The following KCND3 variants were observed in gnomAD, a reference collection of about 807,000 sequenced individuals.
KCND3 encodes the protein potassium voltage-gated channel subfamily D member 3.
Under a neutral mutation model 51.1 loss-of-function variants are expected in KCND3, and 9 were observed. That is an observed-to-expected ratio of 0.18 (90% CI 0.11 to 0.31). KCND3 has a LOEUF of 0.31. KCND3 is among the 10% of genes least tolerant of loss of function. The probability of loss-of-function intolerance (pLI) is 1.00; values close to 1 mark genes in which losing one functional copy is unlikely to be tolerated. For missense variants in KCND3, 526 were observed against 903.8 expected, an observed-to-expected ratio of 0.58 and a Z score of 5.36; for synonymous variants, 349 against 368.0, an observed-to-expected ratio of 0.95 and a Z score of 0.59.
chr1:111,837,945 TG>T (rs1557968972), intron 2 of KCND3, among the ~76,000 whole-genome samples: 1 of 152,124 alleles, frequency 6.6e-6, no homozygotes, highest in Admixed American at 6.5e-5. Flanking sequence ...CTGGGTGTTT[TG>T]GGGGGAGACC....
chr1:111,951,325 A>G (rs1673054224), intron 2 of KCND3, among the ~76,000 whole-genome samples: 1 of 152,176 alleles, frequency 6.6e-6, no homozygotes, highest in Non-Finnish European at 1.5e-5. Flanking sequence ...TCCATGGTCC[A>G]TACACTTTCT....
rs1186351770 is a variant in KCND3 at position 111,773,175 on chromosome 1, G to A, written c.*2902C>T. The A allele has an allele frequency of 1.3e-5, 2 of 152,150 alleles. No homozygotes were observed. The highest frequency in any genetic ancestry group is 4.8e-5 in the African/African-American group (2 of 41,416). 9.4% of individuals were successfully genotyped at this position (152,150 alleles called of 1,614,324 possible). The stretch of plus-strand genomic sequence containing the variant: ...ATGACGTGGGCTCTGAACGTGAAGT[G>A]GAAGGAACACAAAACATTCTGTTGA... On this transcript the variant is annotated 3_prime_UTR_variant, in exon 8 of 8. Coordinates refer to ENST00000302127, the MANE Select transcript of KCND3 (RefSeq NM_001378969.1).
intron 2 of KCND3, among the ~76,000 whole-genome samples, chr1:111,894,297 C>G (rs999921462): frequency 2.6e-5 from 4 of 152,176 alleles, no homozygotes; most frequent in East Asian, 1.9e-4. Flanking sequence ...TTCCTCTCCC[C>G]CTAGAATGCT....
chr1:111,843,551 C>T (rs1463546407), intron 2 of KCND3, among the ~76,000 whole-genome samples: 1 of 152,112 alleles, frequency 6.6e-6, no homozygotes, highest in African/African-American at 2.4e-5. Flanking sequence ...GGGGTGTCCA[C>T]TCTTGCCTGG....
intron 2 of KCND3, among the ~76,000 whole-genome samples, chr1:111,897,247 C>A (rs539244520): frequency 6.6e-4 from 100 of 152,330 alleles, no homozygotes; most frequent in African/African-American, 2.4e-3. Context: ...AGTCCCAGGG[C>A]GGCCTGCCTC....
At chr1:111,972,550 T>C (rs61065000) in intron 2 of KCND3, among the ~76,000 whole-genome samples, 189 of 152,356 alleles carry the variant, frequency 1.2e-3, no homozygotes, top group African/African-American at 3.8e-3. Context: ...TGCAATTTAT[T>C]AGGATTTCCC....
chr1:111,840,609 A>ATC (rs34407874), intron 2 of KCND3, among the ~76,000 whole-genome samples: 2,247 of 151,936 alleles, frequency 0.015, 35 homozygotes, highest in African/African-American at 0.037. Flanking sequence ...TTTTTGATGT[A>ATC]TCTTTTCTTA....
chr1:111,915,568 T>C (rs888456896), intron 2 of KCND3, among the ~76,000 whole-genome samples: 4 of 151,878 alleles, frequency 2.6e-5, no homozygotes, highest in Non-Finnish European at 4.4e-5. Flanking sequence ...CTGGCTAACA[T>C]GGTGAAACCC....
chr1:111,828,735 C>T (rs896856208), intron 2 of KCND3, among the ~76,000 whole-genome samples: 4 of 152,178 alleles, frequency 2.6e-5, no homozygotes, highest in Admixed American at 6.5e-5. Flanking sequence ...TCCTTTTACT[C>T]GGATCCACTG....
At chr1:111,808,883 T>C (rs1363202209) in intron 2 of KCND3, among the ~76,000 whole-genome samples, 1 of 152,206 alleles carries the variant, frequency 6.6e-6, no homozygotes, top group East Asian at 1.9e-4. Context: ...AGGCCTCTTG[T>C]ATGTTGACTT....
intron 2 of KCND3, among the ~76,000 whole-genome samples, chr1:111,908,733 C>T (rs1670769197): frequency 6.6e-6 from 1 of 151,966 alleles, no homozygotes; most frequent in Admixed American, 6.6e-5. Context: ...CTTTTTTTGT[C>T]TCAAAAATGA....
chr1:111,857,354 C>T (rs979476493), intron 2 of KCND3, among the ~76,000 whole-genome samples: 2 of 152,072 alleles, frequency 1.3e-5, no homozygotes, highest in African/African-American at 2.4e-5. Context: ...GCAGAGGGCA[C>T]GGGGCTGGTT....
chr1:111,940,960 G>A (rs1672487261), intron 2 of KCND3, among the ~76,000 whole-genome samples: 1 of 152,164 alleles, frequency 6.6e-6, no homozygotes. Context: ...ATGAGAGCAG[G>A]GACTGTGTTT....
At chr1:111,918,308 G>A (rs1028643028) in intron 2 of KCND3, among the ~76,000 whole-genome samples, 1 of 152,230 alleles carries the variant, frequency 6.6e-6, no homozygotes, top group Non-Finnish European at 1.5e-5. Context: ...TTTTGGGTGA[G>A]TGTAGGAGCA....
At position 111,780,152 on chromosome 1, in the gene KCND3, A is replaced by G. The variant is rs1222737496; in HGVS notation, c.1461+73T>C. 2 of 1,391,184 alleles carry G rather than the reference A, an allele frequency of 1.4e-6. No homozygotes were observed. The highest frequency in any genetic ancestry group is 2.0e-6 in the Non-Finnish European group (2 of 1,002,310). 86.2% of individuals were successfully genotyped at this position (1,391,184 alleles called of 1,614,324 possible). ...AGACTTTGACTTCTGGCCCAGAGTG[A>G]AGATGTGAGTACAGCCTTAGAAAAG... is the stretch of plus-strand genomic sequence containing the variant. On this transcript the variant is annotated intron_variant, in intron 5 of 7. Transcript: ENST00000302127. The surrounding 1 kb of genome is among the most constrained non-coding windows in gnomAD (Gnocchi z 4.2).
chr1:111,974,029 A>G (rs1198436825), intron 2 of KCND3, among the ~76,000 whole-genome samples: 1 of 152,218 alleles, frequency 6.6e-6, no homozygotes, highest in Non-Finnish European at 1.5e-5. Flanking sequence ...CATGAGCTAA[A>G]TGCAATCTTC....
chr1:111,826,916 G>A (rs548312055), intron 2 of KCND3, among the ~76,000 whole-genome samples: 1 of 152,276 alleles, frequency 6.6e-6, no homozygotes, highest in African/African-American at 2.4e-5. Context: ...CAAAAGGCTT[G>A]GGACCAGAAG....
intron 2 of KCND3, among the ~76,000 whole-genome samples, chr1:111,980,304 A>C (rs1421664710): frequency 1.3e-5 from 2 of 151,866 alleles, no homozygotes; most frequent in Non-Finnish European, 2.9e-5. Context: ...GGAATGCCCC[A>C]ATCAAATGTG....
Position 111,837,494 on chromosome 1 carries a change from T to C in KCND3, c.1107-50388A>G, listed in dbSNP as rs187711232. 5.5e-4 allele frequency among the ~76,000 whole-genome samples: 84 copies of C among 152,080 alleles called. 1 individual carries two copies. Among genetic ancestry groups the C allele is most frequent in the Non-Finnish European group, 9.7e-4 (66 of 67,948 alleles). The stretch of plus-strand genomic sequence containing the variant: ...AATTTATAAATGAGGAAACTAAGCA[T>C]GAGAATAGTTTAGTGACTTGACTGG... On this transcript the variant is annotated intron_variant, in intron 2 of 7. Coordinates refer to ENST00000302127, the MANE Select transcript of KCND3 (RefSeq NM_001378969.1).
Sources: allele counts gnomAD v4.1 joint callset (sites outside exome capture counted in the v4.1 genomes callset), GRCh38; gene constraint gnomAD v4.1.1; non-coding constraint Gnocchi (gnomAD v3.1); transcripts MANE v1.5; gene names NCBI Gene and HGNC (gene_info 2026-07-23, HGNC 2026-07-21).